The following HERC3 variants were observed in gnomAD, a reference collection of about 807,000 sequenced individuals.
The protein encoded by HERC3 is probable E3 ubiquitin-protein ligase HERC3.
Under a neutral mutation model 129.9 loss-of-function variants are expected in HERC3, and 58 were observed. The ratio of observed to expected loss-of-function variants is 0.45; its 90% CI spans 0.36 to 0.56. HERC3 has a LOEUF of 0.56. Among genes scored for constraint, HERC3 ranks in the 20% least tolerant of loss-of-function variants. HERC3 has a pLI of 0.00. For missense variants in HERC3, 835 were observed against 1,244.2 expected, an observed-to-expected ratio of 0.67 and a Z score of 4.95; for synonymous variants, 430 against 451.0, an observed-to-expected ratio of 0.95 and a Z score of 0.59.
intron 16 of HERC3, among the ~76,000 whole-genome samples, chr4:88,675,050 A>G (rs1732015722): frequency 6.6e-6 from 1 of 152,260 alleles, no homozygotes; most frequent in African/African-American, 2.4e-5. Context: ...TAACAGCAAT[A>G]AAATGCAGAT....
intron 3 of HERC3, among the ~76,000 whole-genome samples, chr4:88,632,088 C>G (rs1726835822): frequency 6.6e-6 from 1 of 152,122 alleles, no homozygotes; most frequent in Non-Finnish European, 1.5e-5. Context: ...AAAAAGGAAC[C>G]CCAAGAAACC....
chr4:88,572,672 G>A, the HERC3 span, among the ~76,000 whole-genome samples: 1 of 151,878 alleles, frequency 6.6e-6, no homozygotes, highest in African/African-American at 2.4e-5. Flanking sequence ...AGCCAGGTGT[G>A]GTGGCATGCA....
chr4:88,607,571 C>CTCTCAG (rs1392925347), intron 3 of HERC3, among the ~76,000 whole-genome samples: 6 of 152,124 alleles, frequency 3.9e-5, no homozygotes, highest in African/African-American at 1.4e-4. Context: ...TGCAGATATC[C>CTCTCAG]TCTCAGTCTC....
chr4:88,624,236 AC>A (rs1725849520), intron 3 of HERC3, among the ~76,000 whole-genome samples: 1 of 152,356 alleles, frequency 6.6e-6, no homozygotes, highest in East Asian at 1.9e-4. Context: ...ACATTCAATT[AC>A]AAATGTTTGT....
In HERC3 at chr4:88,680,212, A is replaced by G. The variant is rs777336897; in HGVS notation, c.2316A>G (p.Ser772=). 3.7e-6 allele frequency: 6 copies of G among 1,608,692 alleles called. No individual in the cohort carries two copies. Among genetic ancestry groups the G allele is most frequent in the Non-Finnish European group, 8.5e-7 (1 of 1,177,978 alleles). Residue 772 remains serine (S), a synonymous_variant, in exon 20 of 26, where the codon TCA becomes TCG. Coordinates refer to ENST00000402738, the MANE Select transcript of HERC3 (RefSeq NM_014606.3). ...IYGMFTYYQD[S]NLLWFSDTCF... is the part of the protein sequence containing the mutation. ...GAATGTTTACCTACTATCAAGATTC[A>G]AATCTCTTGTGGTTTTCAGACACGG...
intron 3 of HERC3, among the ~76,000 whole-genome samples, chr4:88,614,448 T>C (rs546286297): frequency 1.3e-5 from 2 of 152,312 alleles, no homozygotes; most frequent in Admixed American, 6.5e-5. Context: ...TCAGTACTTA[T>C]TAAAGAAACA....
At chr4:88,682,374 A>C (rs1732877995) in intron 21 of HERC3, among the ~76,000 whole-genome samples, 1 of 151,946 alleles carries the variant, frequency 6.6e-6, no homozygotes, top group East Asian at 1.9e-4. Flanking sequence ...CACAACGTGC[A>C]GGTTAGTTAC....
At chr4:88,641,067 A>G (rs957887389) in intron 3 of HERC3, among the ~76,000 whole-genome samples, 1 of 152,226 alleles carries the variant, frequency 6.6e-6, no homozygotes, top group Non-Finnish European at 1.5e-5. Context: ...TAATACAAAC[A>G]TGAACAAATT....
intron 3 of HERC3, among the ~76,000 whole-genome samples, chr4:88,610,915 G>A (rs1025724923): frequency 6.6e-6 from 1 of 152,176 alleles, no homozygotes; most frequent in Admixed American, 6.5e-5. Context: ...CAAAGCAGCC[G>A]CACTGCGTCT....
upstream of HERC3, among the ~76,000 whole-genome samples, chr4:88,587,455 T>C (rs890630516): frequency 1.3e-5 from 2 of 152,242 alleles, no homozygotes; most frequent in African/African-American, 4.8e-5. Flanking sequence ...TCACATACCA[T>C]GTAATGTCAC....
chr4:88,624,889 A>T lies in HERC3; in HGVS notation c.226+18840A>T, dbSNP rs139645853. ...AATTAAAATTTTATATGTAGGTGAT[A>T]TAATGGTCAAGGTTCGTTTTTTTGC... On this transcript the variant is annotated intron_variant, in intron 3 of 25. Coordinates refer to ENST00000402738, the MANE Select transcript of HERC3 (RefSeq NM_014606.3). 6.6e-5 allele frequency among the ~76,000 whole-genome samples: 10 copies of T among 152,310 alleles called. No homozygotes were observed. In the East Asian group the frequency reaches 1.9e-3, roughly 29 times the overall value.
the HERC3 span, among the ~76,000 whole-genome samples, chr4:88,559,449 C>T: frequency 5.3e-5 from 8 of 152,184 alleles, 1 homozygote; most frequent in African/African-American, 1.9e-4. Context: ...CCACCAGACC[C>T]TCCCTGATAA....
chr4:88,624,190 C>T (rs1427455641), intron 3 of HERC3, among the ~76,000 whole-genome samples: 1 of 152,100 alleles, frequency 6.6e-6, no homozygotes, highest in Non-Finnish European at 1.5e-5. Flanking sequence ...GAGTATTTTC[C>T]CCCGTTTTGG....
At chr4:88,631,021 C>A (rs528754830) in intron 3 of HERC3, among the ~76,000 whole-genome samples, 2 of 152,312 alleles carry the variant, frequency 1.3e-5, no homozygotes, top group South Asian at 4.1e-4. Context: ...TAGCTTATTG[C>A]ATCTGAAAGC....
chr4:88,598,416 T>C (rs1722631522), intron 2 of HERC3, among the ~76,000 whole-genome samples: 1 of 152,238 alleles, frequency 6.6e-6, no homozygotes, highest in African/African-American at 2.4e-5. Flanking sequence ...ATGAAAGTTA[T>C]GGCAGATGGT....
intron 23 of HERC3, among the ~76,000 whole-genome samples, chr4:88,691,925 G>A (rs560610549): frequency 6.6e-6 from 1 of 152,378 alleles, no homozygotes; most frequent in East Asian, 1.9e-4. Context: ...TTTGTTAACA[G>A]TAAGATATTT....
rs764991535 is a variant in HERC3, at chr4:88,605,858, C to T, written c.35C>T (p.Pro12Leu). ...TGGGGATATTGGTCTCTGGGCCAACCTGGTATCAGCACCAACCTGCAGGGA... is the reference window on the plus strand; with the variant it reads ...TGGGGATATTGGTCTCTGGGCCAACTTGGTATCAGCACCAACCTGCAGGGA... ...LCWGYWSLGQ[P>L]GISTNLQGIV... Residue 12 changes from proline (P) to leucine (L), a missense_variant, in exon 3 of 26, where the codon CCT (proline) becomes CTT (leucine). Physicochemically the swap from Pro to Leu is moderately conservative, Grantham distance 98. Coordinates refer to ENST00000402738, the MANE Select transcript of HERC3 (RefSeq NM_014606.3). 72 of 1,614,178 alleles carry T rather than the reference C, an allele frequency of 4.5e-5. No homozygotes were observed. Among genetic ancestry groups the T allele is most frequent in the Non-Finnish European group, 6.1e-5 (72 of 1,180,020 alleles).
intron 21 of HERC3, 34 bp downstream of exon 21, chr4:88,681,359 T>A (rs181733012): frequency 6.9e-5 from 108 of 1,571,170 alleles, no homozygotes; most frequent in Non-Finnish European, 8.8e-5. Flanking sequence ...TATCTGAAAC[T>A]GTTGTGGCTG....
the HERC3 span, among the ~76,000 whole-genome samples, chr4:88,551,928 T>C: frequency 2.0e-5 from 3 of 152,120 alleles, no homozygotes; most frequent in Non-Finnish European, 4.4e-5. Flanking sequence ...ATGTGGCACA[T>C]ATACACCATG....
Sources: allele counts gnomAD v4.1 joint callset (sites outside exome capture counted in the v4.1 genomes callset), GRCh38; gene constraint gnomAD v4.1.1; transcripts MANE v1.5; gene names NCBI Gene and HGNC (gene_info 2026-07-23, HGNC 2026-07-21).